XPOT: variants seen among roughly 807,000 people sequenced by gnomAD.
XPOT encodes the protein exportin-T.
Under a neutral mutation model 128.2 loss-of-function variants are expected in XPOT, and 34 were observed. The ratio of observed to expected loss-of-function variants is 0.27; its 90% confidence interval spans 0.20 to 0.35. The LOEUF (loss-of-function observed/expected upper bound fraction) is 0.35. XPOT is among the 10% of genes least tolerant of loss of function. The probability of loss-of-function intolerance (pLI) is 1.00; values close to 1 mark genes in which losing one functional copy is unlikely to be tolerated. For synonymous variants in XPOT, 348 were observed against 394.3 expected, an observed-to-expected ratio of 0.88 and a Z score of 1.39; for missense variants, 838 against 1,125.3, an observed-to-expected ratio of 0.74 and a Z score of 3.65.
At chr12:64,425,994 A>G in intron 15 of XPOT, 85 bp downstream of exon 15, 1 of 1,268,962 alleles carries the variant, frequency 7.9e-7, no homozygotes, top group Non-Finnish European at 1.1e-6. Flanking sequence ...CATGGAATCA[A>G]CCTAGGTGCC....
chr12:64,439,215 A>T, intron 22 of XPOT, 29 bp from the exon 23 acceptor site: 1 of 1,601,782 alleles, frequency 6.2e-7, no homozygotes, highest in Non-Finnish European at 8.6e-7. Context: ...CAAGCAAGAA[A>T]ATAGTTGTAA....
chr12:64,413,295 G>A (rs556901601), intron 2 of XPOT, among the ~76,000 whole-genome samples: 1 of 152,200 alleles, frequency 6.6e-6, no homozygotes, highest in South Asian at 2.1e-4. Flanking sequence ...TAGAGACAGG[G>A]TCCCACTATG....
intron 12 of XPOT, 142 bp downstream of exon 12, chr12:64,424,865 C>T (rs932193870): frequency 7.4e-7 from 1 of 1,347,346 alleles, no homozygotes; most frequent in Admixed American, 2.3e-5. Flanking sequence ...ATGCACTTGT[C>T]TTCTTGATTT....
At position 64,425,789 on chromosome 12, in the gene XPOT, A is replaced by T. The variant is rs760712851; in HGVS notation, c.1573-26A>T. ...AACAAAACCCTTGAAAAAATGCAGA[A>T]ATAGTAAAAGTGTCTCCTTCTTTAG... On this transcript the variant is annotated intron_variant, in intron 14 of 24. Coordinates refer to ENST00000332707, the MANE Select transcript of XPOT (RefSeq NM_007235.6). The T allele has an allele frequency of 8.1e-6, 13 of 1,606,164 alleles. No homozygotes were observed. The Admixed American group carries it at 2.2e-4, about 27-fold the overall frequency.
chr12:64,442,062 T>A (rs2040329004), intron 23 of XPOT, among the ~76,000 whole-genome samples: 1 of 152,014 alleles, frequency 6.6e-6, no homozygotes. Flanking sequence ...CTGTGTCATT[T>A]TACATAATGT....
chr12:64,414,910 C>T lies in XPOT; in HGVS notation c.64C>T (p.Leu22=). 6.2e-7 allele frequency: 1 copy of T among 1,609,118 alleles called. No individual in the cohort carries two copies. The highest frequency in any genetic ancestry group is 1.7e-4 in the Middle Eastern group (1 of 5,828). ...TTTTTGTTTTGCAATCTTATAGGCC[C>T]TGGCCTATTTTGAGCAGTTAAAAAT... is the stretch of plus-strand genomic sequence containing the variant. ...NADSDFRQRA[L]AYFEQLKISP... is the part of the protein sequence containing the mutation. Residue 22 remains leucine (L), a synonymous_variant, in exon 3 of 25, where the codon CTG becomes TTG. Coordinates refer to ENST00000332707, the MANE Select transcript of XPOT (RefSeq NM_007235.6).
At chr12:64,435,523 T>G in intron 21 of XPOT, 104 bp from the exon 22 acceptor site, 1 of 900,720 alleles carries the variant, frequency 1.1e-6, no homozygotes, top group Non-Finnish European at 1.5e-6. Context: ...TCTCTGGAAA[T>G]ATTTATTTGA....
At chr12:64,435,899 A>G (rs2040278182) in intron 22 of XPOT, among the ~76,000 whole-genome samples, 1 of 152,074 alleles carries the variant, frequency 6.6e-6, no homozygotes, top group Non-Finnish European at 1.5e-5. Context: ...GAATTTCAAG[A>G]TTCAGTTTTC....
At chr12:64,425,218 C>G (rs1269808629) in intron 13 of XPOT, 36 bp downstream of exon 13, 1 of 1,612,888 alleles carries the variant, frequency 6.2e-7, no homozygotes, top group African/African-American at 1.3e-5. Context: ...CCATAAATTT[C>G]TGTTTTCAGT....
intron 23 of XPOT, among the ~76,000 whole-genome samples, chr12:64,444,429 GGATA>G (rs1245521816): frequency 6.6e-6 from 1 of 152,072 alleles, no homozygotes; most frequent in African/African-American, 2.4e-5. Context: ...ACAGATAAAT[GGATA>G]AACAAAATAT....
chr12:64,415,016 A>T, intron 3 of XPOT, 27 bp downstream of exon 3: 2 of 1,424,248 alleles, frequency 1.4e-6, no homozygotes, highest in Non-Finnish European at 2.0e-6. Flanking sequence ...TTTGCATGAC[A>T]ATTTAAATTT....
intron 22 of XPOT, among the ~76,000 whole-genome samples, chr12:64,438,119 TGAAAG>T (rs1407885253): frequency 1.3e-5 from 2 of 152,206 alleles, no homozygotes; most frequent in African/African-American, 4.8e-5. Context: ...GGATGAAGGA[TGAAAG>T]GAAACAGTAA....
At chr12:64,433,132 G>A (rs2040252842) in intron 18 of XPOT, among the ~76,000 whole-genome samples, 1 of 152,164 alleles carries the variant, frequency 6.6e-6, no homozygotes, top group Non-Finnish European at 1.5e-5. Flanking sequence ...TTTTAGTAGA[G>A]ATGGGGTTTC....
intron 23 of XPOT, among the ~76,000 whole-genome samples, chr12:64,443,821 TAAA>T (rs1337507480): frequency 6.6e-6 from 1 of 152,210 alleles, no homozygotes; most frequent in Non-Finnish European, 1.5e-5. Context: ...CACATGAGTT[TAAA>T]AAATGAATTT....
chr12:64,437,965 C>T (rs1477252541), intron 22 of XPOT, among the ~76,000 whole-genome samples: 1 of 151,962 alleles, frequency 6.6e-6, no homozygotes, highest in Non-Finnish European at 1.5e-5. Flanking sequence ...GGCAACAGAG[C>T]GAGACTCTGT....
Position 64,420,271 on chromosome 12 carries a change from T to C in XPOT, c.674+17T>C. The stretch of plus-strand genomic sequence containing the variant: ...CAATGATAGGTAAGTATGCCTATTA[T>C]TTTTATAGTATAAACTTGTAAAATA... On this transcript the variant is annotated intron_variant, in intron 7 of 24. Coordinates refer to ENST00000332707, the MANE Select transcript of XPOT (RefSeq NM_007235.6). 6.3e-7 allele frequency: 1 copy of C among 1,587,126 alleles called. No homozygotes were observed.
intron 18 of XPOT, 32 bp downstream of exon 18, chr12:64,431,855 C>G (rs752487047): frequency 1.6e-5 from 26 of 1,594,088 alleles, no homozygotes; most frequent in Middle Eastern, 1.7e-4. Context: ...CTGAAAATCT[C>G]TTGAAGATCA....
chr12:64,439,478 G>C (rs2040307931), intron 23 of XPOT, among the ~76,000 whole-genome samples, 163 bp downstream of exon 23: 1 of 152,156 alleles, frequency 6.6e-6, no homozygotes, highest in South Asian at 2.1e-4. Context: ...GAAATTATGA[G>C]TTACTAAGTA....
intron 23 of XPOT, among the ~76,000 whole-genome samples, chr12:64,440,162 T>G (rs1364902124): frequency 6.6e-6 from 1 of 152,292 alleles, no homozygotes; most frequent in East Asian, 1.9e-4. Context: ...AAACTACCAT[T>G]CTACTCTCTG....
Sources: allele counts gnomAD v4.1 joint callset (sites outside exome capture counted in the v4.1 genomes callset), GRCh38; gene constraint gnomAD v4.1.1; transcripts MANE v1.5; gene names NCBI Gene and HGNC (gene_info 2026-07-23, HGNC 2026-07-21).